UPF2: variants seen among roughly 807,000 people sequenced by gnomAD.
UPF2 encodes the protein regulator of nonsense transcripts 2.
UPF2 carries 17 observed loss-of-function variants against 141.4 expected under a neutral mutation model. The ratio of observed to expected loss-of-function variants is 0.12; its 90% confidence interval spans 0.08 to 0.18. The LOEUF is 0.18. UPF2 is among the 10% of genes least tolerant of loss of function. The pLI, the probability that UPF2 is intolerant of heterozygous loss-of-function variation, is 1.00. For synonymous variants in UPF2, 540 were observed against 498.0 expected, an observed-to-expected ratio of 1.08 and a Z score of -1.12; for missense variants, 1,152 against 1,515.9, an observed-to-expected ratio of 0.76 and a Z score of 3.99.
At chr10:12,030,635 G>C (rs1038722864) in intron 2 of UPF2, among the ~76,000 whole-genome samples, 2 of 152,000 alleles carry the variant, frequency 1.3e-5, no homozygotes, top group Admixed American at 6.6e-5. Context: ...TGTAATCCCA[G>C]CACTTTGGGA....
At chr10:12,009,227 C>A (rs117816011) in intron 4 of UPF2, among the ~76,000 whole-genome samples, 7,964 of 152,122 alleles carry the variant, frequency 0.052, 284 homozygotes, top group Non-Finnish European at 0.08. Context: ...AGCATATATA[C>A]AGAAAGAAGC....
chr10:12,007,961 C>T (rs1424333976), intron 4 of UPF2, among the ~76,000 whole-genome samples: 6 of 151,476 alleles, frequency 4.0e-5, no homozygotes. Context: ...CAGCTCACTG[C>T]AACCTCTGCC....
chr10:12,013,096 G>A (rs1423502288), intron 4 of UPF2, among the ~76,000 whole-genome samples: 1 of 149,382 alleles, frequency 6.7e-6, no homozygotes, highest in African/African-American at 2.5e-5. Flanking sequence ...CTGCACTCCA[G>A]CCTGAGCGAC....
chr10:11,976,944 C>T (rs1048192867), intron 9 of UPF2, among the ~76,000 whole-genome samples: 3 of 152,106 alleles, frequency 2.0e-5, no homozygotes, highest in African/African-American at 7.2e-5. Flanking sequence ...ACATGGAAAC[C>T]AAGGCTTAGA....
chr10:12,035,478 G>A, intron 1 of UPF2, 37 bp from the exon 2 acceptor site: 8 of 1,463,924 alleles, frequency 5.5e-6, no homozygotes, highest in Non-Finnish European at 6.3e-6. Context: ...CATAGATGCA[G>A]TGACTTTTTA....
rs533100026 is a variant in UPF2 at position 11,990,140 on chromosome 10, CA to C, written c.1844+7531del. Among the ~76,000 whole-genome samples, 435 of 152,242 alleles carry C rather than the reference CA, an allele frequency of 2.9e-3. 1 individual carries two copies. The highest frequency in any genetic ancestry group is 0.01 in the African/African-American group (417 of 41,534). On this transcript the variant is annotated intron_variant, in intron 8 of 21. Transcript: ENST00000357604. ...TCAAGGTAAATTACAGCAGGATAAG[CA>C]AATGAAAAGAAAAGGGAAAGCTGGC...
intron 1 of UPF2, among the ~76,000 whole-genome samples, chr10:12,038,388 A>T (rs949273728): frequency 6.0e-5 from 9 of 150,254 alleles, no homozygotes; most frequent in East Asian, 5.9e-4. Context: ...TCACACACAC[A>T]CACACACACA....
intron 2 of UPF2, among the ~76,000 whole-genome samples, chr10:12,029,920 T>C (rs1834486304): frequency 6.8e-6 from 1 of 147,734 alleles, no homozygotes; most frequent in South Asian, 2.1e-4. Context: ...AACGTGACAC[T>C]GCACTCTAGT....
chr10:11,978,231 C>T (rs1375785976), intron 9 of UPF2, among the ~76,000 whole-genome samples: 4 of 152,222 alleles, frequency 2.6e-5, no homozygotes, highest in East Asian at 1.9e-4. Context: ...TGAGAGAAAG[C>T]GTGTGCGGAC....
intron 12 of UPF2, among the ~76,000 whole-genome samples, chr10:11,957,930 C>T (rs912423125): frequency 1.3e-5 from 2 of 152,180 alleles, no homozygotes; most frequent in Non-Finnish European, 2.9e-5. Flanking sequence ...TGAGGCTGTA[C>T]GACAACCTCA....
At chr10:11,985,422 G>A (rs895165521) in intron 8 of UPF2, among the ~76,000 whole-genome samples, 5 of 152,062 alleles carry the variant, frequency 3.3e-5, no homozygotes, top group African/African-American at 1.2e-4. Flanking sequence ...CGGATCACGA[G>A]GTCAGGAGAT....
chr10:12,034,184 G>A (rs1249524078), intron 2 of UPF2, among the ~76,000 whole-genome samples: 1 of 152,160 alleles, frequency 6.6e-6, no homozygotes, highest in African/African-American at 2.4e-5. Context: ...CACTGGGATT[G>A]TCCTAAGGAT....
chr10:11,983,339 C>T (rs1833630462), intron 8 of UPF2, among the ~76,000 whole-genome samples: 1 of 152,074 alleles, frequency 6.6e-6, no homozygotes, highest in African/African-American at 2.4e-5. Context: ...CCTTCCATTC[C>T]TAAGATCAAT....
chr10:11,967,376 T>A lies in UPF2; in HGVS notation c.2032A>T (p.Met678Leu). The A allele has an allele frequency of 6.3e-7, 1 of 1,589,120 alleles. No homozygotes were observed. Among genetic ancestry groups the A allele is most frequent in the Non-Finnish European group, 8.5e-7 (1 of 1,171,838 alleles). The change falls in exon 10 of 22, where the codon ATG (methionine) becomes TTG (leucine). Residue 678 changes from methionine (M) to leucine (L), a missense_variant. By Grantham distance (15) the Met-to-Leu change is conservative. Coordinates refer to ENST00000357604, the MANE Select transcript of UPF2 (RefSeq NM_015542.4). Reference protein sequence around the residue: ...RFIGELTKFKMFTKNDTLHCL... With the variant: ...RFIGELTKFKLFTKNDTLHCL... ...TGCAGTGTGTCATTTTTGGTGAACA[T>A]CTTAAACTTAGTTAGTTCTCCTATA... is the stretch of plus-strand genomic sequence containing the variant.
intron 15 of UPF2, among the ~76,000 whole-genome samples, chr10:11,949,951 C>T (rs1400062533): frequency 6.6e-6 from 1 of 151,952 alleles, no homozygotes; most frequent in South Asian, 2.1e-4. Context: ...CAAATGAATA[C>T]AGCCAATTAC....
intron 8 of UPF2, among the ~76,000 whole-genome samples, chr10:11,988,620 T>C (rs1564357374): frequency 6.6e-6 from 1 of 152,178 alleles, no homozygotes. Flanking sequence ...AGGACGAGAA[T>C]CTGACTGAAG....
chr10:11,923,824 A>G (rs1273100794), intron 21 of UPF2, among the ~76,000 whole-genome samples: 2 of 152,032 alleles, frequency 1.3e-5, no homozygotes, highest in Admixed American at 6.5e-5. Flanking sequence ...GGGCAACAGA[A>G]CAAGACTCCA....
At chr10:11,988,522 C>G (rs1833731238) in intron 8 of UPF2, among the ~76,000 whole-genome samples, 2 of 152,156 alleles carry the variant, frequency 1.3e-5, no homozygotes, top group Admixed American at 6.6e-5. Context: ...CTAGGCCGGT[C>G]TCAGACTCCT....
chr10:12,026,898 C>T (rs1009470162), intron 3 of UPF2, among the ~76,000 whole-genome samples: 5 of 152,046 alleles, frequency 3.3e-5, no homozygotes, highest in African/African-American at 1.2e-4. Context: ...GATGATCCAC[C>T]CACCTTGGCC....
Sources: allele counts gnomAD v4.1 joint callset (sites outside exome capture counted in the v4.1 genomes callset), GRCh38; gene constraint gnomAD v4.1.1; transcripts MANE v1.5; gene names NCBI Gene and HGNC (gene_info 2026-07-23, HGNC 2026-07-21).